Variants in NTN4 observed in about 807,000 individuals in gnomAD.
NTN4 encodes netrin-4.
A neutral mutation model predicts 73.6 loss-of-function variants in NTN4; 32 were observed. The observed-to-expected ratio is 0.44, with a 90% CI of 0.33 to 0.58. The LOEUF is 0.58. NTN4 is among the 20% of genes least tolerant of loss of function. NTN4 has a pLI of 0.04. For missense variants in NTN4, 654 were observed against 798.3 expected (o/e 0.82, Z 2.18); for synonymous variants, 258 against 287.5 (o/e 0.90, Z 1.04).
chr12:95,734,684 T>C (rs1272687157), intron 3 of NTN4, among the ~76,000 whole-genome samples: 2 of 152,160 alleles, frequency 1.3e-5, no homozygotes, highest in Non-Finnish European at 2.9e-5. Context: ...ATGTTCCTAA[T>C]AAGGCAAAAG....
chr12:95,674,559 G>A (rs925240403), intron 7 of NTN4, among the ~76,000 whole-genome samples: 3 of 152,030 alleles, frequency 2.0e-5, no homozygotes, highest in Admixed American at 2.0e-4. Flanking sequence ...ACTAGTTAAG[G>A]CCAGTTTTGT....
chr12:95,743,091 G>A (rs2078838070), intron 2 of NTN4, among the ~76,000 whole-genome samples: 1 of 152,134 alleles, frequency 6.6e-6, no homozygotes, highest in Non-Finnish European at 1.5e-5. Context: ...AAATGGATCA[G>A]GCAGGTATAG....
intron 5 of NTN4, among the ~76,000 whole-genome samples, chr12:95,709,540 C>CT (rs63616060): frequency 0.18 from 24,529 of 136,978 alleles, 2,385 homozygotes; most frequent in Non-Finnish European, 0.22. Context: ...CTCTCTCTCT[C>CT]TTTTTTTTTT....
At chr12:95,736,084 G>A (rs1308357176) in intron 3 of NTN4, among the ~76,000 whole-genome samples, 4 of 151,778 alleles carry the variant, frequency 2.6e-5, no homozygotes, top group African/African-American at 4.8e-5. Context: ...GAATACAGGC[G>A]CCCACCACTA....
chr12:95,742,715 G>A (rs1172869544), intron 2 of NTN4, among the ~76,000 whole-genome samples: 2 of 152,152 alleles, frequency 1.3e-5, no homozygotes, highest in Non-Finnish European at 2.9e-5. Flanking sequence ...CTATTTACTT[G>A]TCTGTATCTC....
intron 2 of NTN4, among the ~76,000 whole-genome samples, chr12:95,757,088 T>C (rs538833613): frequency 8.5e-5 from 13 of 152,274 alleles, no homozygotes; most frequent in African/African-American, 3.1e-4. Context: ...CTCTAGACTG[T>C]GAGTGAGACA....
At chr12:95,695,638 T>C (rs2078435779) in intron 5 of NTN4, among the ~76,000 whole-genome samples, 1 of 152,208 alleles carries the variant, frequency 6.6e-6, no homozygotes, top group South Asian at 2.1e-4. Flanking sequence ...GTGCTGGGAT[T>C]ACAGGCGCTC....
intron 7 of NTN4, among the ~76,000 whole-genome samples, chr12:95,678,377 T>C (rs1342235203): frequency 6.6e-6 from 1 of 150,724 alleles, no homozygotes; most frequent in East Asian, 1.9e-4. Flanking sequence ...AAGAATAGTT[T>C]GATACCGGAA....
chr12:95,747,862 TA>T (rs1318769753), intron 2 of NTN4, among the ~76,000 whole-genome samples: 5 of 152,146 alleles, frequency 3.3e-5, no homozygotes, highest in East Asian at 3.8e-4. Context: ...CTTTATCACT[TA>T]AAAAATATCT....
rs182109279 is a variant in NTN4 at position 95,716,099 on chromosome 12, C to A, written c.865-2761G>T. ...ACATGTCAAAAAAAAAAAACACCCA[C>A]ACACAAAAAAGCAAAACATACATAA... is the stretch of plus-strand genomic sequence containing the variant. On this transcript the variant is annotated intron_variant, in intron 3 of 9. Coordinates refer to ENST00000343702, the MANE Select transcript of NTN4 (RefSeq NM_021229.4). Among the ~76,000 whole-genome samples the A allele has an allele frequency of 2.6e-3, 386 of 149,712 alleles. 1 individual carries two copies. Among genetic ancestry groups the A allele is most frequent in the Admixed American group, 4.6e-3 (70 of 15,068 alleles).
At chr12:95,735,905 T>TTTTATTTA (rs201591613) in intron 3 of NTN4, among the ~76,000 whole-genome samples, 3,591 of 101,546 alleles carry the variant, frequency 0.035, 57 homozygotes, top group African/African-American at 0.057. Context: ...TTTTTTAAAT[T>TTTTATTTA]TTTATTTATT....
intron 5 of NTN4, among the ~76,000 whole-genome samples, chr12:95,686,464 A>T (rs908917966): frequency 9.9e-5 from 15 of 152,096 alleles, no homozygotes; most frequent in African/African-American, 3.6e-4. Flanking sequence ...GCAAGTTGAA[A>T]AGGAGGGCAA....
rs762046337 is a variant in NTN4 at position 95,789,597 on chromosome 12, G to A, written c.55+658C>T. 1.3e-5 allele frequency among the ~76,000 whole-genome samples: 2 copies of A among 152,184 alleles called. No homozygotes were observed. Among genetic ancestry groups the A allele is most frequent in the African/African-American group, 2.4e-5 (1 of 41,456 alleles). ...CGCCGACGCCGGTTGTCCAGTTACC[G>A]AGCCAGGGAGCAGACCCGCCTCCGA... On this transcript the variant is annotated intron_variant, in intron 1 of 9. Transcript: ENST00000343702. The surrounding 1 kb of genome is among the most constrained non-coding windows in gnomAD (Gnocchi z 4.0).
intron 3 of NTN4, among the ~76,000 whole-genome samples, chr12:95,717,709 A>C (rs2078617467): frequency 6.6e-6 from 1 of 152,068 alleles, no homozygotes; most frequent in South Asian, 2.1e-4. Context: ...AATAGGTTAA[A>C]CATAGCTCTT....
intron 5 of NTN4, among the ~76,000 whole-genome samples, chr12:95,709,626 T>A (rs1366857724): frequency 6.6e-6 from 1 of 151,440 alleles, no homozygotes; most frequent in African/African-American, 2.4e-5. Context: ...CTCTGCCTGC[T>A]GGATTCAAGC....
chr12:95,726,108 G>A (rs2078691952), intron 3 of NTN4, among the ~76,000 whole-genome samples: 1 of 151,168 alleles, frequency 6.6e-6, no homozygotes, highest in East Asian at 1.9e-4. Context: ...TTTTCTAACT[G>A]AGATAACATT....
intron 5 of NTN4, among the ~76,000 whole-genome samples, chr12:95,696,661 T>C (rs966737963): frequency 1.1e-4 from 17 of 152,206 alleles, no homozygotes; most frequent in African/African-American, 3.6e-4. Flanking sequence ...TCCTAGAAGG[T>C]CCATACTGCT....
chr12:95,777,590 C>T (rs2079103298), intron 2 of NTN4, among the ~76,000 whole-genome samples: 2 of 152,172 alleles, frequency 1.3e-5, no homozygotes. Flanking sequence ...GTAAAGGGAT[C>T]AATTCAACAA....
chr12:95,708,509 G>A (rs1022246686), intron 5 of NTN4, among the ~76,000 whole-genome samples: 20 of 151,732 alleles, frequency 1.3e-4, no homozygotes, highest in Non-Finnish European at 8.8e-5. Flanking sequence ...GGATGGTCTC[G>A]GTCTCCCAAA....
Sources: gnomAD v4.1 joint callset for allele counts (sites outside exome capture counted in the v4.1 genomes callset) on GRCh38, gnomAD v4.1.1 for gene constraint, Gnocchi (gnomAD v3.1) non-coding constraint, MANE v1.5 for transcripts, NCBI Gene and HGNC (gene_info 2026-07-23, HGNC 2026-07-21) for gene names.